Variants in RASAL2 observed in about 807,000 individuals in gnomAD.
The protein encoded by RASAL2 is RAS protein activator like 2, also known as ras GTPase-activating protein nGAP.
Under a neutral mutation model 128.9 loss-of-function variants are expected in RASAL2, and 58 were observed. That is an observed-to-expected ratio of 0.45 (90% CI 0.36 to 0.56). The LOEUF (loss-of-function observed/expected upper bound fraction) is 0.56. Ranked by LOEUF, RASAL2 falls within the 20% of genes least tolerant of loss-of-function variation. The probability of loss-of-function intolerance (pLI) is 0.00; values close to 1 mark genes in which losing one functional copy is unlikely to be tolerated. For missense variants in RASAL2, 1,360 were observed against 1,601.6 expected (o/e 0.85, Z 2.57); for synonymous variants, 561 against 580.8 (o/e 0.97, Z 0.49).
At chr1:178,439,644 G>A (rs1172973544) in intron 6 of RASAL2, 69 bp downstream of exon 6, 2 of 1,490,060 alleles carry the variant, frequency 1.3e-6, no homozygotes, top group Non-Finnish European at 1.8e-6. Flanking sequence ...CAGTAATTTT[G>A]CGATTTCATT....
At chr1:178,408,600 T>TG (rs1427041112) in intron 4 of RASAL2, among the ~76,000 whole-genome samples, 11 of 148,884 alleles carry the variant, frequency 7.4e-5, no homozygotes, top group African/African-American at 2.3e-4. Context: ...GTTGTTTGGT[T>TG]GGTTTTTTTT....
chr1:178,234,012 C>A (rs187879749), intron 1 of RASAL2, among the ~76,000 whole-genome samples: 4 of 152,220 alleles, frequency 2.6e-5, no homozygotes, highest in African/African-American at 9.6e-5. Context: ...TTAATTAGCA[C>A]AATTTTAAAA....
At chr1:178,466,250 A>C (rs1647673919) in intron 16 of RASAL2, 128 bp downstream of exon 16, 1 of 802,818 alleles carries the variant, frequency 1.2e-6, no homozygotes, top group Admixed American at 3.7e-5. Flanking sequence ...CAAATGTGAT[A>C]ATTGACTGTA....
intron 1 of RASAL2, among the ~76,000 whole-genome samples, chr1:178,273,008 A>G (rs1485763534): frequency 6.6e-6 from 1 of 152,196 alleles, no homozygotes; most frequent in East Asian, 1.9e-4. Context: ...CCAGATTAAA[A>G]TATTACTAAA....
chr1:178,272,825 G>A (rs1666322914), intron 1 of RASAL2, among the ~76,000 whole-genome samples: 1 of 152,098 alleles, frequency 6.6e-6, no homozygotes, highest in South Asian at 2.1e-4. Flanking sequence ...CTACTCGGGA[G>A]GCTGAGGCAG....
chr1:178,324,067 T>A (rs1351117216), intron 3 of RASAL2, among the ~76,000 whole-genome samples: 1 of 152,190 alleles, frequency 6.6e-6, no homozygotes, highest in Non-Finnish European at 1.5e-5. Context: ...TATGCTCTCA[T>A]CATTAACTCT....
At chr1:178,164,654 T>A (rs1661455292) in intron 1 of RASAL2, among the ~76,000 whole-genome samples, 1 of 152,086 alleles carries the variant, frequency 6.6e-6, no homozygotes, top group Non-Finnish European at 1.5e-5. Context: ...CAGAAATATA[T>A]ATTCCTGGGT....
At chr1:178,424,215 GTGGTTTTTTTTTTT>G (rs1296087464) in intron 5 of RASAL2, among the ~76,000 whole-genome samples, 4 of 150,550 alleles carry the variant, frequency 2.7e-5, no homozygotes, top group Non-Finnish European at 5.9e-5. Flanking sequence ...TCAAAGTGTT[GTGGTTTTTTTTTTT>G]TGGTTTTTTT....
intron 3 of RASAL2, among the ~76,000 whole-genome samples, chr1:178,343,439 T>C (rs1438571069): frequency 4.6e-5 from 7 of 152,212 alleles, no homozygotes; most frequent in Admixed American, 1.3e-4. Context: ...ATTCATGTTG[T>C]ATTACACAAA....
chr1:178,441,767 A>G, intron 7 of RASAL2, 120 bp downstream of exon 7: 1 of 688,768 alleles, frequency 1.5e-6, no homozygotes, highest in South Asian at 1.8e-5. Context: ...AAGCACATTT[A>G]TATGTTATGC....
At position 178,182,103 on chromosome 1, in the gene RASAL2, C is replaced by A. The variant is rs1336244057; in HGVS notation, c.202+87409C>A. 4.6e-5 allele frequency among the ~76,000 whole-genome samples: 7 copies of A among 152,238 alleles called. No individual in the cohort carries two copies. In the East Asian group the frequency reaches 1.4e-3, roughly 29 times the overall value. On this transcript the variant is annotated intron_variant, in intron 1 of 17. Coordinates refer to ENST00000367649, the MANE Select transcript of RASAL2 (RefSeq NM_170692.4). ...AATTGTTCTGCACAGATTTGTCCAC[C>A]CTCCTACCCCATTTATTTATTTATT...
At chr1:178,197,334 T>A (rs564193525) in intron 1 of RASAL2, among the ~76,000 whole-genome samples, 22 of 152,232 alleles carry the variant, frequency 1.4e-4, no homozygotes, top group Admixed American at 9.8e-4. Flanking sequence ...CTCACGTCTG[T>A]AATCCTAGCT....
At chr1:178,341,505 C>G in intron 3 of RASAL2, 2 of 1,591,310 alleles carry the variant, frequency 1.3e-6, no homozygotes, top group Non-Finnish European at 1.7e-6. Context: ...AGCAGGAAAG[C>G]GAGCACAGGC....
intron 4 of RASAL2, among the ~76,000 whole-genome samples, chr1:178,416,985 T>C (rs1358275791): frequency 6.6e-6 from 1 of 151,542 alleles, no homozygotes; most frequent in Admixed American, 6.6e-5. Context: ...TTAGGGTTTT[T>C]TTTTTTGGCA....
At chr1:178,271,176 A>G (rs925576925) in intron 1 of RASAL2, among the ~76,000 whole-genome samples, 1 of 152,166 alleles carries the variant, frequency 6.6e-6, no homozygotes, top group African/African-American at 2.4e-5. Context: ...GTACTGGCCT[A>G]TCCCTGAACC....
intron 9 of RASAL2, among the ~76,000 whole-genome samples, chr1:178,448,027 G>A (rs777369767): frequency 6.6e-6 from 1 of 152,132 alleles, no homozygotes; most frequent in Non-Finnish European, 1.5e-5. Context: ...CTGTCTAGCT[G>A]GCTGTTGGAA....
chr1:178,257,513 C>A (rs992781377), intron 1 of RASAL2, among the ~76,000 whole-genome samples: 1 of 151,602 alleles, frequency 6.6e-6, no homozygotes, highest in African/African-American at 2.4e-5. Flanking sequence ...GTTATCAAGA[C>A]CACTCATCAT....
intron 3 of RASAL2, among the ~76,000 whole-genome samples, chr1:178,370,026 T>G (rs1318076832): frequency 1.3e-5 from 2 of 152,218 alleles, no homozygotes; most frequent in Non-Finnish European, 2.9e-5. Context: ...TATTGTCAGA[T>G]GTATATGGTA....
intron 3 of RASAL2, among the ~76,000 whole-genome samples, chr1:178,320,105 C>T (rs1456940452): frequency 3.3e-5 from 5 of 151,708 alleles, no homozygotes; most frequent in East Asian, 1.9e-4. Context: ...TTAGGCTGCT[C>T]GGGGGTCAGG....
Sources: allele counts gnomAD v4.1 joint callset (sites outside exome capture counted in the v4.1 genomes callset), GRCh38; gene constraint gnomAD v4.1.1; transcripts MANE v1.5; gene names NCBI Gene and HGNC (gene_info 2026-07-23, HGNC 2026-07-21).